LIMCH1: variants seen among roughly 807,000 people sequenced by gnomAD.
The protein encoded by LIMCH1 is LIM and calponin homology domains 1.
Under a neutral mutation model 176.5 loss-of-function variants are expected in LIMCH1, and 113 were observed. The observed-to-expected ratio is 0.64, with a 90% CI of 0.55 to 0.75. The LOEUF (loss-of-function observed/expected upper bound fraction) is 0.75, where lower values mean the gene tolerates loss of function less well. LIMCH1 is among the 30% of genes least tolerant of loss of function. The probability of loss-of-function intolerance (pLI) is 0.00; values close to 1 mark genes in which losing one functional copy is unlikely to be tolerated. For synonymous variants in LIMCH1, 619 were observed against 645.9 expected, an observed-to-expected ratio of 0.96 and a Z score of 0.63; for missense variants, 1,674 against 1,814.9, an observed-to-expected ratio of 0.92 and a Z score of 1.41.
chr4:41,659,209 C>T (rs2094544405), intron 18 of LIMCH1, among the ~76,000 whole-genome samples: 2 of 152,090 alleles, frequency 1.3e-5, no homozygotes, highest in Non-Finnish European at 2.9e-5. Context: ...AAGTCTCTTG[C>T]AGGGATTCAA....
intron 1 of LIMCH1, among the ~76,000 whole-genome samples, chr4:41,594,435 A>G (rs1187549627): frequency 6.6e-6 from 1 of 152,210 alleles, no homozygotes; most frequent in Non-Finnish European, 1.5e-5. Context: ...TCCAAAGTTA[A>G]CACACTAAGT....
intron 21 of LIMCH1, 125 bp downstream of exon 21, chr4:41,666,791 A>T: frequency 1.5e-6 from 1 of 646,254 alleles, no homozygotes; most frequent in African/African-American, 1.8e-5. Context: ...TGTTTGCCAG[A>T]GTCTGTGATA....
At chr4:41,614,499 T>C (rs1013957361) in intron 5 of LIMCH1, among the ~76,000 whole-genome samples, 4 of 152,218 alleles carry the variant, frequency 2.6e-5, no homozygotes, top group Admixed American at 2.0e-4. Context: ...TTTTTCAATG[T>C]ATTGCTTGGT....
chr4:41,506,553 T>G (rs1262282862), intron 2 of LIMCH1, among the ~76,000 whole-genome samples: 1 of 152,182 alleles, frequency 6.6e-6, no homozygotes, highest in Non-Finnish European at 1.5e-5. Context: ...CACAGAGCAG[T>G]TAAGTTACAG....
chr4:41,680,015 C>T lies in LIMCH1; in HGVS notation c.3529C>T (p.Gln1177Ter), dbSNP rs764504309. ...GGAAATTCCATAACAGGAGAGATAC[C>T]AGAAGGAGCAGGACAAGCTGAAAGA... ...EQERLLQERYQKEQDKLKEEW... is the reference protein window; with the variant it reads ...EQERLLQERY Residue 1177 changes from glutamine (Q) to a stop codon, truncating the protein, a stop_gained, in exon 24 of 32, where the codon CAG (glutamine) becomes TAG (stop). Coordinates refer to ENST00000503057, the MANE Select transcript of LIMCH1 (RefSeq NM_001330672.2). LOFTEE classifies it high-confidence loss of function. The T allele has an allele frequency of 1.2e-6, 2 of 1,608,378 alleles. No individual in the cohort carries two copies. The highest frequency in any genetic ancestry group is 1.7e-5 in the Admixed American group (1 of 59,424).
intron 27 of LIMCH1, among the ~76,000 whole-genome samples, 160 bp downstream of exon 27, chr4:41,684,678 G>A (rs1719157236): frequency 6.6e-6 from 1 of 152,088 alleles, no homozygotes; most frequent in African/African-American, 2.4e-5. Context: ...CTACCATCGT[G>A]TGCTCAGACT....
chr4:41,479,804 T>A (rs2068293445), intron 1 of LIMCH1, among the ~76,000 whole-genome samples: 1 of 152,218 alleles, frequency 6.6e-6, no homozygotes, highest in South Asian at 2.1e-4. Context: ...TTTTTTGGAT[T>A]TGCATAACTG....
At chr4:41,404,328 C>T (rs922574966) in intron 1 of LIMCH1, among the ~76,000 whole-genome samples, 1 of 151,770 alleles carries the variant, frequency 6.6e-6, no homozygotes, top group Non-Finnish European at 1.5e-5. Context: ...AGCCATCAGA[C>T]TTTGTGTCTC....
intron 1 of LIMCH1, among the ~76,000 whole-genome samples, chr4:41,549,735 G>T (rs968597911): frequency 6.6e-6 from 1 of 152,012 alleles, no homozygotes; most frequent in Non-Finnish European, 1.5e-5. Context: ...GATAAGCAAA[G>T]TATAGTACAT....
At chr4:41,442,203 T>G (rs2062773677) in intron 1 of LIMCH1, among the ~76,000 whole-genome samples, 1 of 152,034 alleles carries the variant, frequency 6.6e-6, no homozygotes, top group Middle Eastern at 3.2e-3. Context: ...GGGAGGCTGA[T>G]GCGAGAGGAT....
intron 2 of LIMCH1, among the ~76,000 whole-genome samples, chr4:41,601,981 C>A (rs2089997952): frequency 6.6e-6 from 1 of 151,912 alleles, no homozygotes; most frequent in South Asian, 2.1e-4. Context: ...AGGGATAGAT[C>A]CCACAGAAGA....
chr4:41,360,722 G>A (rs1223954608), upstream of LIMCH1: 4 of 569,838 alleles, frequency 7.0e-6, no homozygotes, highest in Non-Finnish European at 1.1e-5. The surrounding 1 kb of genome is among the most constrained non-coding windows in gnomAD (Gnocchi z 4.5). Flanking sequence ...CCGGCCGGGG[G>A]CGGGGAGAGG....
intron 1 of LIMCH1, among the ~76,000 whole-genome samples, chr4:41,548,737 A>T (rs2079952645): frequency 6.6e-6 from 1 of 152,086 alleles, no homozygotes; most frequent in Non-Finnish European, 1.5e-5. Flanking sequence ...CCAACTCCCA[A>T]ATCCCCATCT....
Position 41,685,743 on chromosome 4 carries a change from C to T in LIMCH1, c.4001C>T (p.Thr1334Met), listed in dbSNP as rs147660035. The stretch of plus-strand genomic sequence containing the variant: ...CAGAATCAGCAGACATCAAATCCAA[C>T]GCACAGTTCAGAAGATGTGAAGCCA... ...PSQNQQTSNP[T>M]HSSEDVKPKT... Residue 1334 changes from threonine to methionine, a missense_variant, in exon 28 of 32, where the codon ACG becomes ATG. Thr to Met is a moderately conservative substitution (Grantham distance 81, BLOSUM62 -1). Transcript: ENST00000503057. The T allele has an allele frequency of 9.7e-5, 157 of 1,613,532 alleles. No individual in the cohort carries two copies. Among genetic ancestry groups the T allele is most frequent in the South Asian group, 6.1e-4 (56 of 91,064 alleles).
intron 1 of LIMCH1, among the ~76,000 whole-genome samples, chr4:41,561,638 CTTCAG>C (rs2082080443): frequency 6.6e-6 from 1 of 152,104 alleles, no homozygotes; most frequent in African/African-American, 2.4e-5. Flanking sequence ...CTCTCTTGCT[CTTCAG>C]TTCATATTCT....
chr4:41,478,154 A>C (rs1582855248), intron 1 of LIMCH1, among the ~76,000 whole-genome samples: 2 of 152,340 alleles, frequency 1.3e-5, no homozygotes, highest in Admixed American at 1.3e-4. Context: ...ATAAAATGTA[A>C]CACAAGTACA....
At chr4:41,449,213 C>T (rs2063585973) in intron 1 of LIMCH1, among the ~76,000 whole-genome samples, 1 of 152,118 alleles carries the variant, frequency 6.6e-6, no homozygotes. Context: ...TGCAGAACTC[C>T]AGGCAGTGCT....
intron 3 of LIMCH1, among the ~76,000 whole-genome samples, chr4:41,533,048 G>T (rs1395695412): frequency 6.6e-6 from 1 of 152,152 alleles, no homozygotes; most frequent in African/African-American, 2.4e-5. Context: ...GCAGGATTCA[G>T]TTCCTCACAG....
intron 1 of LIMCH1, among the ~76,000 whole-genome samples, chr4:41,481,277 GT>G (rs1180232954): frequency 6.6e-6 from 1 of 152,204 alleles, no homozygotes; most frequent in Non-Finnish European, 1.5e-5. Context: ...TAAAGAAAGT[GT>G]AGCAGTGTAA....
Sources: gnomAD v4.1 joint callset for allele counts (sites outside exome capture counted in the v4.1 genomes callset) on GRCh38, gnomAD v4.1.1 for gene constraint, Gnocchi (gnomAD v3.1) non-coding constraint, MANE v1.5 for transcripts, NCBI Gene and HGNC (gene_info 2026-07-23, HGNC 2026-07-21) for gene names.